GRIK1: variants seen among roughly 807,000 people sequenced by gnomAD.
The protein encoded by GRIK1 is glutamate ionotropic receptor kainate type subunit 1, also known as glutamate receptor ionotropic, kainate 1.
In GRIK1, 69 loss-of-function variants were observed where a neutral mutation model predicts 105.7. The observed-to-expected ratio is 0.65, with a 90% CI of 0.54 to 0.80. The LOEUF (loss-of-function observed/expected upper bound fraction) is 0.80. Among genes scored for constraint, GRIK1 ranks in the 30% least tolerant of loss-of-function variants. GRIK1 has a pLI of 0.00. For missense variants in GRIK1, 1,109 were observed against 1,167.3 expected (o/e 0.95, Z 0.73); for synonymous variants, 438 against 431.3 (o/e 1.02, Z -0.19).
intron 1 of GRIK1, among the ~76,000 whole-genome samples, chr21:29,747,810 A>G (rs2065084111): frequency 6.6e-6 from 1 of 152,226 alleles, no homozygotes; most frequent in South Asian, 2.1e-4. Flanking sequence ...GCCTGGCGAC[A>G]GAGCATGACT....
intron 7 of GRIK1, among the ~76,000 whole-genome samples, chr21:29,610,377 G>T (rs2146368130): frequency 6.6e-6 from 1 of 152,274 alleles, no homozygotes; most frequent in East Asian, 1.9e-4. Context: ...GATTATCTGG[G>T]TGGGCCTAAT....
At chr21:29,883,975 C>A (rs2146193763) in intron 1 of GRIK1, among the ~76,000 whole-genome samples, 1 of 152,092 alleles carries the variant, frequency 6.6e-6, no homozygotes, top group Non-Finnish European at 1.5e-5. Flanking sequence ...CACTCTGACT[C>A]TTCCTAAAAA....
rs561162505 is a variant in GRIK1 at position 29,840,113 on chromosome 21, T to G, written c.118+99270A>C. Reference sequence around the variant, plus strand: ...GAAAAATAGGAATATAATGTTGCACTTGATGAGTCAATGTCCTTTTTAAGC... The same window carrying G: ...GAAAAATAGGAATATAATGTTGCACGTGATGAGTCAATGTCCTTTTTAAGC... On this transcript the variant is annotated intron_variant, in intron 1 of 17. Transcript: ENST00000327783. Among the ~76,000 whole-genome samples, 3 of 152,320 alleles carry G rather than the reference T, an allele frequency of 2.0e-5. No individual in the cohort carries two copies. In the South Asian group the frequency reaches 6.2e-4, roughly 32 times the overall value.
At chr21:29,734,385 T>C (rs1391354020) in intron 1 of GRIK1, among the ~76,000 whole-genome samples, 1 of 87,216 alleles carries the variant, frequency 1.1e-5, no homozygotes, top group Non-Finnish European at 2.5e-5. Flanking sequence ...TCTTTTCTTT[T>C]CTTTTCTTTT....
chr21:29,734,791 G>T (rs980288116), intron 1 of GRIK1, among the ~76,000 whole-genome samples: 6 of 152,066 alleles, frequency 3.9e-5, no homozygotes, highest in Admixed American at 3.9e-4. Flanking sequence ...TAGCTCTAAT[G>T]ACCTCTGCAT....
chr21:29,747,646 T>C (rs2065079947), intron 1 of GRIK1, among the ~76,000 whole-genome samples: 1 of 152,082 alleles, frequency 6.6e-6, no homozygotes, highest in African/African-American at 2.4e-5. Context: ...CTGGCCAATA[T>C]GGTGAAACCC....
At chr21:29,872,925 T>C (rs2069070982) in intron 1 of GRIK1, among the ~76,000 whole-genome samples, 1 of 152,102 alleles carries the variant, frequency 6.6e-6, no homozygotes, top group Non-Finnish European at 1.5e-5. Flanking sequence ...CCCAATATAT[T>C]TGTGGCCAGT....
At chr21:29,930,169 C>G (rs935555796) in intron 1 of GRIK1, among the ~76,000 whole-genome samples, 1 of 152,104 alleles carries the variant, frequency 6.6e-6, no homozygotes, top group Non-Finnish European at 1.5e-5. Flanking sequence ...TTCCTAAGAA[C>G]AAAAGGAACA....
chr21:29,678,645 G>GA (rs886328844), intron 3 of GRIK1, among the ~76,000 whole-genome samples: 1 of 151,952 alleles, frequency 6.6e-6, no homozygotes, highest in Non-Finnish European at 1.5e-5. Context: ...TGAGTACAGA[G>GA]AAAAAAAGAA....
intron 1 of GRIK1, among the ~76,000 whole-genome samples, chr21:29,805,330 G>A (rs1274065392): frequency 6.6e-6 from 1 of 152,130 alleles, no homozygotes; most frequent in African/African-American, 2.4e-5. Context: ...GAAGCTGATA[G>A]TGCAGAAGGC....
chr21:29,576,543 C>T (rs893264488), intron 14 of GRIK1, among the ~76,000 whole-genome samples: 3 of 151,940 alleles, frequency 2.0e-5, no homozygotes, highest in Non-Finnish European at 4.4e-5. Flanking sequence ...AGTACAGGAC[C>T]GAAAGAACAA....
At chr21:29,741,606 A>C (rs914845558) in intron 1 of GRIK1, among the ~76,000 whole-genome samples, 16 of 152,232 alleles carry the variant, frequency 1.1e-4, no homozygotes, top group Non-Finnish European at 1.9e-4. Flanking sequence ...AAATTTCAAC[A>C]GCCTACATTC....
intron 1 of GRIK1, among the ~76,000 whole-genome samples, chr21:29,740,467 C>T (rs546403504): frequency 7.2e-5 from 11 of 152,262 alleles, no homozygotes; most frequent in Middle Eastern, 6.8e-3. Flanking sequence ...CTGCCCGCCT[C>T]GGTCTCCCAA....
At chr21:29,565,548 T>A (rs1388867091) in intron 14 of GRIK1, among the ~76,000 whole-genome samples, 1 of 152,190 alleles carries the variant, frequency 6.6e-6, no homozygotes, top group East Asian at 1.9e-4. Flanking sequence ...TTCTCCGGCC[T>A]CAGCCTCCTG....
chr21:29,558,762 C>A lies in GRIK1; in HGVS notation c.2356+2862G>T, dbSNP rs528483508. Among the ~76,000 whole-genome samples, 505 of 151,524 alleles carry A rather than the reference C, an allele frequency of 3.3e-3. 2 individuals carry two copies. The highest frequency in any genetic ancestry group is 5.6e-3 in the Non-Finnish European group (381 of 67,880). On this transcript the variant is annotated intron_variant, in intron 15 of 17. Coordinates refer to ENST00000327783, the MANE Select transcript of GRIK1 (RefSeq NM_001330994.2). ...TATATTTAATATTAATGGTACTCAA[C>A]ACTAGGTCAGCTTCATTCGCAGGAA... is the stretch of plus-strand genomic sequence containing the variant.
intron 6 of GRIK1, 52 bp downstream of exon 6, chr21:29,651,066 C>A (rs902501295): frequency 1.5e-6 from 2 of 1,367,700 alleles, no homozygotes; most frequent in Non-Finnish European, 2.0e-6. Context: ...AGATCTTAAC[C>A]CCGAAGGCAT....
At chr21:29,782,493 C>G (rs7277120) in intron 1 of GRIK1, among the ~76,000 whole-genome samples, 6 of 152,114 alleles carry the variant, frequency 3.9e-5, no homozygotes, top group African/African-American at 1.4e-4. Flanking sequence ...TTCAGAAGGG[C>G]AAGGGGTGGT....
rs574506027 is a variant in GRIK1 at position 29,600,066 on chromosome 21, C to G, written c.1099-1129G>C. Reference sequence around the variant, plus strand: ...ATGCCATTGCACTCCAGCCTGGCGACAGAGCAAGACTCCGTCTAAAACAAA... The same window carrying G: ...ATGCCATTGCACTCCAGCCTGGCGAGAGAGCAAGACTCCGTCTAAAACAAA... On this transcript the variant is annotated intron_variant, in intron 7 of 17. Coordinates refer to ENST00000327783, the MANE Select transcript of GRIK1 (RefSeq NM_001330994.2). 3.3e-5 allele frequency among the ~76,000 whole-genome samples: 5 copies of G among 152,284 alleles called. No individual in the cohort carries two copies. The East Asian group carries it at 9.7e-4, about 29-fold the overall frequency.
intron 1 of GRIK1, among the ~76,000 whole-genome samples, chr21:29,819,344 G>C (rs1028646849): frequency 3.9e-5 from 6 of 152,024 alleles, no homozygotes; most frequent in Admixed American, 3.9e-4. Flanking sequence ...TGATACAAGG[G>C]AGTAAAATCC....
Sources: allele counts gnomAD v4.1 joint callset (sites outside exome capture counted in the v4.1 genomes callset), GRCh38; gene constraint gnomAD v4.1.1; transcripts MANE v1.5; gene names NCBI Gene and HGNC (gene_info 2026-07-23, HGNC 2026-07-21).